Variants in SLC16A1 observed in about 807,000 individuals in gnomAD.
SLC16A1 encodes solute carrier family 16 member 1, also known as monocarboxylate transporter 1.
SLC16A1 carries 11 observed loss-of-function variants against 32.2 expected under a neutral mutation model. The ratio of observed to expected loss-of-function variants is 0.34; its 90% CI spans 0.21 to 0.56. SLC16A1 has a LOEUF of 0.56. Among genes scored for constraint, SLC16A1 ranks in the 20% least tolerant of loss-of-function variants. The probability of loss-of-function intolerance (pLI) is 0.87; values close to 1 mark genes in which losing one functional copy is unlikely to be tolerated. For missense variants in SLC16A1, 435 were observed against 615.0 expected, an observed-to-expected ratio of 0.71 and a Z score of 3.10; for synonymous variants, 231 against 226.8, an observed-to-expected ratio of 1.02 and a Z score of -0.17.
At chr1:112,915,855 AT>A (rs1433636252) in intron 4 of SLC16A1, among the ~76,000 whole-genome samples, 3 of 152,222 alleles carry the variant, frequency 2.0e-5, no homozygotes, top group Admixed American at 6.5e-5. Flanking sequence ...TTCCTAAAGT[AT>A]GAGTCACATC....
intron 4 of SLC16A1, among the ~76,000 whole-genome samples, chr1:112,915,161 G>A (rs1326167639): frequency 6.6e-6 from 1 of 152,182 alleles, no homozygotes; most frequent in East Asian, 1.9e-4. Flanking sequence ...GGTGAACAGA[G>A]GATCCACAGT....
intron 4 of SLC16A1, among the ~76,000 whole-genome samples, chr1:112,914,782 G>A (rs952917638): frequency 4.6e-5 from 7 of 152,118 alleles, no homozygotes; most frequent in East Asian, 1.9e-4. Context: ...AGTCTGACTC[G>A]GAAGTCTGCA....
At position 112,956,031 on chromosome 1, in the gene SLC16A1, T is replaced by C. The variant is rs1056022238; in HGVS notation, c.-45+4A>G. The C allele has an allele frequency of 6.6e-6, 1 of 152,088 alleles. No individual in the cohort carries two copies. Among genetic ancestry groups the C allele is most frequent in the Non-Finnish European group, 1.5e-5 (1 of 68,030 alleles). 9.4% of individuals were successfully genotyped at this position (152,088 alleles called of 1,614,324 possible). On this transcript the variant is annotated splice_donor_region_variant and intron_variant, in intron 1 of 4. Transcript: ENST00000369626. ...CGCGTGCCGCCGGCTGTTACCCAACTAACCGTTATATGCGCGGATCGCAGC... is the reference window on the plus strand; with the variant it reads ...CGCGTGCCGCCGGCTGTTACCCAACCAACCGTTATATGCGCGGATCGCAGC...
intron 4 of SLC16A1, among the ~76,000 whole-genome samples, chr1:112,914,733 A>G (rs1648442804): frequency 6.6e-6 from 1 of 152,266 alleles, no homozygotes; most frequent in African/African-American, 2.4e-5. Flanking sequence ...CCATGGTCAC[A>G]AAACTAATAA....
At chr1:112,953,525 C>A (rs150951090) in intron 1 of SLC16A1, among the ~76,000 whole-genome samples, 58 of 152,324 alleles carry the variant, frequency 3.8e-4, no homozygotes, top group African/African-American at 1.4e-3. Flanking sequence ...TTTTACCCTC[C>A]TTTATCCCTT....
At chr1:112,935,959 T>A (rs1490484606) in intron 1 of SLC16A1, 1 of 152,246 alleles carries the variant, frequency 6.6e-6, no homozygotes, top group African/African-American at 2.4e-5. Flanking sequence ...TTATCATTCA[T>A]TCCTTTGTTT....
intron 1 of SLC16A1, among the ~76,000 whole-genome samples, chr1:112,942,154 T>A (rs548829374): frequency 2.6e-5 from 4 of 152,212 alleles, no homozygotes; most frequent in Admixed American, 6.5e-5. Flanking sequence ...GTATTTTTAG[T>A]ACAGACAGGG....
At chr1:112,937,652 G>A (rs1325537288) in intron 1 of SLC16A1, among the ~76,000 whole-genome samples, 2 of 152,126 alleles carry the variant, frequency 1.3e-5, no homozygotes, top group African/African-American at 4.8e-5. Context: ...AGGCCCCCTT[G>A]CAGAGTACTC....
intron 3 of SLC16A1, 60 bp from the exon 4 acceptor site, chr1:112,918,104 T>A (rs982651247): frequency 3.1e-5 from 31 of 992,744 alleles, no homozygotes; most frequent in Middle Eastern, 3.8e-4. Context: ...AAATAAATAA[T>A]AAGAGGTATA....
intron 2 of SLC16A1, among the ~76,000 whole-genome samples, chr1:112,928,844 C>T (rs762510725): frequency 6.6e-6 from 1 of 152,130 alleles, no homozygotes; most frequent in Non-Finnish European, 1.5e-5. Flanking sequence ...CTCAATGATA[C>T]ATCAGTTGGA....
intron 3 of SLC16A1, among the ~76,000 whole-genome samples, chr1:112,921,584 AAC>A (rs1349904249): frequency 3.3e-5 from 5 of 152,166 alleles, no homozygotes; most frequent in African/African-American, 1.2e-4. Context: ...TATGCTCATC[AAC>A]AGTTCATTAT....
chr1:112,918,165 G>T (rs547712239), intron 3 of SLC16A1, 121 bp from the exon 4 acceptor site: 4 of 766,562 alleles, frequency 5.2e-6, no homozygotes, highest in South Asian at 1.2e-4. Flanking sequence ...GACATGTTAT[G>T]TAGTGGTTTA....
rs530692760 is a variant in SLC16A1, at chr1:112,936,421, T to C, written c.-44-7069A>G. ...TACTTGGGAGGCTGAGGCAGGAGAA[T>C]TGCTTGACTCTGGGAGACAGAGGTT... On this transcript the variant is annotated intron_variant, in intron 1 of 4. Coordinates refer to ENST00000369626, the MANE Select transcript of SLC16A1 (RefSeq NM_003051.4). Among the ~76,000 whole-genome samples, 59 of 146,438 alleles carry C rather than the reference T, an allele frequency of 4.0e-4. 2 individuals are homozygous for C. The South Asian group carries it at 6.7e-3, about 17-fold the overall frequency.
chr1:112,923,894 G>C (rs962335353), intron 2 of SLC16A1: 4 of 1,525,826 alleles, frequency 2.6e-6, no homozygotes, highest in Non-Finnish European at 2.7e-6. Flanking sequence ...TGAAAACGGA[G>C]CTCTTCCCCT....
Position 112,917,745 on chromosome 1 carries a change from C to G in SLC16A1, c.661G>C (p.Gly221Arg). ...GCATCATGCAGATCTTTTTTCACAC[C>G]AGATTTTCCAGCTTTCTCAAGGGAT... is the stretch of plus-strand genomic sequence containing the variant. ...KASLEKAGKS[G>R]VKKDLHDANT... The change falls in exon 4 of 5, where the codon GGT becomes CGT. Residue 221 changes from glycine to arginine, a missense_variant. Physicochemically the swap from Gly to Arg is moderately radical, Grantham distance 125. Coordinates refer to ENST00000369626, the MANE Select transcript of SLC16A1 (RefSeq NM_003051.4). The surrounding 1 kb of genome is among the most constrained non-coding windows in gnomAD (Gnocchi z 4.1). 3 of 1,614,130 alleles carry G rather than the reference C, an allele frequency of 1.9e-6. No individual in the cohort carries two copies. The highest frequency in any genetic ancestry group is 2.5e-6 in the Non-Finnish European group (3 of 1,180,026).
At chr1:112,923,281 C>T in intron 2 of SLC16A1, 1 of 286,066 alleles carries the variant, frequency 3.5e-6, no homozygotes, top group Non-Finnish European at 6.5e-6. Flanking sequence ...GCACTCCAGC[C>T]TGGGCAACAA....
chr1:112,922,644 G>A (rs1174180379), intron 2 of SLC16A1, among the ~76,000 whole-genome samples: 3 of 152,022 alleles, frequency 2.0e-5, no homozygotes, highest in African/African-American at 4.8e-5. Flanking sequence ...CGTGGTTGGC[G>A]CGTGCCTGTA....
At chr1:112,921,963 C>T (rs1218060070) in intron 3 of SLC16A1, 27 bp downstream of exon 3, 1 of 1,612,638 alleles carries the variant, frequency 6.2e-7, no homozygotes, top group African/African-American at 1.3e-5. Flanking sequence ...TAAACTAATG[C>T]TTCCAAATGA....
chr1:112,932,391 G>A (rs1238674282), intron 1 of SLC16A1, among the ~76,000 whole-genome samples: 1 of 152,002 alleles, frequency 6.6e-6, no homozygotes, highest in African/African-American at 2.4e-5. Context: ...TTAAAAATTG[G>A]GTGTGGTGGT....
Sources: allele counts gnomAD v4.1 joint callset (sites outside exome capture counted in the v4.1 genomes callset), GRCh38; gene constraint gnomAD v4.1.1; non-coding constraint Gnocchi (gnomAD v3.1); transcripts MANE v1.5; gene names NCBI Gene and HGNC (gene_info 2026-07-23, HGNC 2026-07-21).